The following MCM6 variants were observed in gnomAD, a reference collection of about 807,000 sequenced individuals.
MCM6 encodes the protein DNA replication licensing factor MCM6.
A neutral mutation model predicts 94.3 loss-of-function variants in MCM6; 46 were observed. The observed-to-expected ratio is 0.49, with a 90% confidence interval of 0.39 to 0.62. The LOEUF (loss-of-function observed/expected upper bound fraction) is 0.62. Among genes scored for constraint, MCM6 ranks in the 20% least tolerant of loss-of-function variants. MCM6 has a pLI of 0.00. For synonymous variants in MCM6, 335 were observed against 351.9 expected (o/e 0.95, Z 0.54); for missense variants, 865 against 1,017.9 (o/e 0.85, Z 2.04).
chr2:135,875,441 C>G (rs309132), intron 1 of MCM6, among the ~76,000 whole-genome samples: 37,764 of 151,932 alleles, frequency 0.25, 6,797 homozygotes, highest in African/African-American at 0.48. Context: ...CCACTGGACT[C>G]TACACTTAAA....
In MCM6 at chr2:135,865,039, C is replaced by A. The variant is rs771284738; in HGVS notation, c.1052G>T (p.Cys351Phe). 2 of 1,520,500 alleles carry A rather than the reference C, an allele frequency of 1.3e-6. No homozygotes were observed. Among genetic ancestry groups the A allele is most frequent in the Non-Finnish European group, 1.8e-6 (2 of 1,134,262 alleles). The allele number at this position is 1,520,500 out of a possible 1,614,324, so 94.2% of individuals were successfully genotyped here. A position where few individuals can be genotyped will look rare whatever the true frequency, so the allele number is the denominator to read the frequency against. The change falls in exon 7 of 17, where the codon TGT (cysteine) becomes TTT (phenylalanine). Residue 351 changes from cysteine to phenylalanine, a missense_variant. Physicochemically the swap from Cys to Phe is radical, Grantham distance 205. Around this residue, in one of 3 missense-constraint regions of MCM6, gnomAD observed 404 missense variants for 451.9 expected, o/e 0.89. Transcript: ENST00000264156. ...SQDKNLYHNL[C>F]TSLFPTIHGN... Reference sequence around the variant, plus strand: ...ATGTATAGTAGGGAACAGGCTGGTACAAAGATTGTGGTATAGATTTTTATC... The same window carrying A: ...ATGTATAGTAGGGAACAGGCTGGTAAAAAGATTGTGGTATAGATTTTTATC...
Position 135,848,082 on chromosome 2 carries a change from T to G in MCM6, c.2024A>C (p.Glu675Ala). The G allele has an allele frequency of 3.1e-6, 5 of 1,611,688 alleles. No individual in the cohort carries two copies. Among genetic ancestry groups the G allele is most frequent in the Non-Finnish European group, 4.2e-6 (5 of 1,177,918 alleles). Residue 675 changes from glutamate to alanine, a missense_variant, in exon 14 of 17, where the codon GAG (glutamate) becomes GCG (alanine). By Grantham distance (107) the Glu-to-Ala change is moderately radical. Transcript: ENST00000264156. ...NLDQEEEIQMEVDEGAGGING... is the reference protein window; with the variant it reads ...NLDQEEEIQMAVDEGAGGING... ...GATGCCACCAGCACCCTCATCTACC[T>G]CCATCTGGATCTCTTCCTCTTGATC...
intron 16 of MCM6, among the ~76,000 whole-genome samples, chr2:135,842,201 TG>T (rs1212211182): frequency 1.3e-5 from 2 of 152,156 alleles, no homozygotes; most frequent in Non-Finnish European, 2.9e-5. Context: ...ATTCCTTGCC[TG>T]GGTCGTTTTA....
chr2:135,856,672 C>T lies in MCM6; in HGVS notation c.1626+56G>A, dbSNP rs182486043. 5.1e-6 allele frequency: 8 copies of T among 1,569,062 alleles called. No homozygotes were observed. In the Admixed American group the frequency reaches 8.7e-5, roughly 17 times the overall value. ...AGCTGTTGAGCAGTGTATCTTCCAG[C>T]CTTGTCTCACTCGATTACTCCAACT... On this transcript the variant is annotated intron_variant, in intron 11 of 16. Coordinates refer to ENST00000264156, the MANE Select transcript of MCM6 (RefSeq NM_005915.6).
At chr2:135,849,855 C>T (rs984600111) in intron 13 of MCM6, among the ~76,000 whole-genome samples, 4 of 151,862 alleles carry the variant, frequency 2.6e-5, no homozygotes, top group African/African-American at 4.8e-5. Flanking sequence ...AAAGGCCTAA[C>T]AAAAGTTTTT....
intron 3 of MCM6, among the ~76,000 whole-genome samples, chr2:135,869,937 C>G (rs4988166): frequency 0.041 from 6,312 of 152,184 alleles, 405 homozygotes; most frequent in African/African-American, 0.14. Flanking sequence ...TGAATGCAAA[C>G]CACTATTTTT....
At chr2:135,856,563 T>C (rs1245405073) in intron 11 of MCM6, among the ~76,000 whole-genome samples, 165 bp downstream of exon 11, 1 of 152,248 alleles carries the variant, frequency 6.6e-6, no homozygotes, top group Non-Finnish European at 1.5e-5. Context: ...TTCAAATGAC[T>C]TTATTTTGAG....
At chr2:135,863,955 A>G (rs1444476985) in intron 7 of MCM6, among the ~76,000 whole-genome samples, 1 of 152,104 alleles carries the variant, frequency 6.6e-6, no homozygotes, top group Admixed American at 6.6e-5. Flanking sequence ...TACTAAAAAT[A>G]CAAAAATTAG....
At chr2:135,858,617 G>C (rs1034629887) in intron 9 of MCM6, among the ~76,000 whole-genome samples, 1 of 143,342 alleles carries the variant, frequency 7.0e-6, no homozygotes, top group Non-Finnish European at 1.5e-5. Flanking sequence ...CTTTTCTAAG[G>C]AAGATAATTC....
Position 135,851,542 on chromosome 2 carries a change from A to G in MCM6, c.1777T>C (p.Phe593Leu). 1 of 1,609,952 alleles carries G rather than the reference A, an allele frequency of 6.2e-7. No individual in the cohort carries two copies. The highest frequency in any genetic ancestry group is 8.5e-7 in the Non-Finnish European group (1 of 1,178,462). ...AGATGTTTATATTGCTCCACAATGA[A>G]GTCCTCTGACTCTTTGGAAATCTGT... Reference protein sequence around the residue: ...KPKISKESEDFIVEQYKHLRQ... With the variant: ...KPKISKESEDLIVEQYKHLRQ... Residue 593 changes from phenylalanine to leucine, a missense_variant, in exon 13 of 17, where the codon TTC becomes CTC. Around this residue, in one of 3 missense-constraint regions of MCM6, gnomAD observed 308 missense variants for 324.5 expected, o/e 0.95. Coordinates refer to ENST00000264156, the MANE Select transcript of MCM6 (RefSeq NM_005915.6).
At chr2:135,853,742 A>G (rs1215824047) in intron 11 of MCM6, among the ~76,000 whole-genome samples, 1 of 151,782 alleles carries the variant, frequency 6.6e-6, no homozygotes, top group African/African-American at 2.4e-5. Context: ...GGAAAAAAAA[A>G]AAAGACCCCA....
At chr2:135,856,484 C>CT (rs1256630704) in intron 11 of MCM6, among the ~76,000 whole-genome samples, 2 of 152,172 alleles carry the variant, frequency 1.3e-5, no homozygotes, top group Non-Finnish European at 2.9e-5. Context: ...AACTTGTTTC[C>CT]TTTTGAGAAA....
intron 11 of MCM6, among the ~76,000 whole-genome samples, chr2:135,854,358 C>T (rs183700183): frequency 6.6e-6 from 1 of 151,098 alleles, no homozygotes; most frequent in East Asian, 2.0e-4. Context: ...AGTGAAACCC[C>T]GTCTCTACTA....
chr2:135,849,807 G>C (rs1319396244), intron 13 of MCM6, among the ~76,000 whole-genome samples: 4 of 152,098 alleles, frequency 2.6e-5, no homozygotes, highest in Admixed American at 6.6e-5. Flanking sequence ...AACTAGCTAG[G>C]TAAATAATGG....
At chr2:135,841,546 C>T (rs1338251521) in intron 16 of MCM6, among the ~76,000 whole-genome samples, 1 of 152,092 alleles carries the variant, frequency 6.6e-6, no homozygotes, top group Non-Finnish European at 1.5e-5. Flanking sequence ...CTAGCCAAGC[C>T]CATAGAAAGG....
At position 135,874,117 on chromosome 2, in the gene MCM6, GCA is replaced by G. The variant is rs549622726; in HGVS notation, c.108-1276_108-1275del. Among the ~76,000 whole-genome samples the G allele has an allele frequency of 1.9e-4, 29 of 152,306 alleles. No homozygotes were observed. The South Asian group carries it at 5.8e-3, about 30-fold the overall frequency. The stretch of plus-strand genomic sequence containing the variant: ...GGGAGTTGGCATTTCTTTAAACAAA[GCA>G]CAGAGATTATTTGTCTCATCATTAT... On this transcript the variant is annotated intron_variant, in intron 1 of 16. Coordinates refer to ENST00000264156, the MANE Select transcript of MCM6 (RefSeq NM_005915.6).
At position 135,840,965 on chromosome 2, in the gene MCM6, A is replaced by T; in HGVS notation, c.2350-14T>A. 6.3e-7 allele frequency: 1 copy of T among 1,584,136 alleles called. No homozygotes were observed. Among genetic ancestry groups the T allele is most frequent in the East Asian group, 2.2e-5 (1 of 44,746 alleles). ...TAGAACATGATCCTGTGAAACACAAATATTTGTCCTCAGGTTTCAAGCAGT... is the reference window on the plus strand; with the variant it reads ...TAGAACATGATCCTGTGAAACACAATTATTTGTCCTCAGGTTTCAAGCAGT... On this transcript the variant is annotated splice_polypyrimidine_tract_variant and intron_variant, in intron 16 of 16. Coordinates refer to ENST00000264156, the MANE Select transcript of MCM6 (RefSeq NM_005915.6).
intron 2 of MCM6, among the ~76,000 whole-genome samples, chr2:135,870,795 G>T (rs1271815353): frequency 6.6e-6 from 1 of 152,174 alleles, no homozygotes; most frequent in African/African-American, 2.4e-5. Context: ...CACCCAGACT[G>T]GAGTGCAGTG....
chr2:135,872,637 A>G, intron 2 of MCM6, 60 bp downstream of exon 2: 1 of 1,545,086 alleles, frequency 6.5e-7, no homozygotes, highest in South Asian at 1.2e-5. Flanking sequence ...CAGTCCAAGA[A>G]GAGCTGGCTT....
Sources: allele counts gnomAD v4.1 joint callset (sites outside exome capture counted in the v4.1 genomes callset), GRCh38; gene constraint gnomAD v4.1.1; regional missense constraint gnomAD v4.1.1; transcripts MANE v1.5; gene names NCBI Gene and HGNC (gene_info 2026-07-23, HGNC 2026-07-21).